RAPGEF2: variants seen among roughly 807,000 people sequenced by gnomAD.
RAPGEF2 encodes the protein PDZ domain containing guanine nucleotide exchange factor (GEF) 1.
In RAPGEF2, 54 loss-of-function variants were observed where a neutral mutation model predicts 186.7. The observed-to-expected ratio is 0.29, with a 90% CI of 0.23 to 0.36. The LOEUF (loss-of-function observed/expected upper bound fraction) is 0.36, where lower values mean the gene tolerates loss of function less well. Among genes scored for constraint, RAPGEF2 ranks in the 10% least tolerant of loss-of-function variants. The pLI is 1.00. For missense variants in RAPGEF2, 1,532 were observed against 2,045.0 expected (o/e 0.75, Z 4.84); for synonymous variants, 712 against 705.9 (o/e 1.01, Z -0.14).
intron 8 of RAPGEF2, among the ~76,000 whole-genome samples, chr4:159,306,089 C>T (rs531748575): frequency 3.2e-4 from 49 of 151,732 alleles, no homozygotes; most frequent in African/African-American, 1.1e-3. Flanking sequence ...TCTTTCTGCT[C>T]AAGATTGCTT....
At chr4:159,174,174 G>A (rs571131830) in intron 1 of RAPGEF2, among the ~76,000 whole-genome samples, 1 of 152,296 alleles carries the variant, frequency 6.6e-6, no homozygotes, top group East Asian at 1.9e-4. Flanking sequence ...ACTTGCTTAC[G>A]GGATCATTTT....
intron 7 of RAPGEF2, among the ~76,000 whole-genome samples, chr4:159,278,019 G>C (rs977855382): frequency 8.6e-5 from 13 of 152,010 alleles, no homozygotes; most frequent in Admixed American, 2.0e-4. Flanking sequence ...AGTCCTTGCC[G>C]ATGCCTATGT....
At position 159,350,118 on chromosome 4, in the gene RAPGEF2, T is replaced by C; in HGVS notation, c.3713-19T>C. The stretch of plus-strand genomic sequence containing the variant: ...AGACTTGAAAATACATATTTAAGGT[T>C]TTTTTTTTTCCATTATAGGCATAAA... On this transcript the variant is annotated intron_variant, in intron 25 of 29. Coordinates refer to ENST00000691494, the MANE Select transcript of RAPGEF2 (RefSeq NM_001394067.2). 7.7e-7 allele frequency: 1 copy of C among 1,302,112 alleles called. No individual in the cohort carries two copies. Among genetic ancestry groups the C allele is most frequent in the Non-Finnish European group, 1.0e-6 (1 of 985,460 alleles). 80.7% of individuals were successfully genotyped at this position (1,302,112 alleles called of 1,614,324 possible).
intron 3 of RAPGEF2, among the ~76,000 whole-genome samples, chr4:159,197,342 G>T (rs1202084299): frequency 6.6e-6 from 1 of 152,168 alleles, no homozygotes; most frequent in Non-Finnish European, 1.5e-5. Context: ...AAGTGAAACG[G>T]AAATACTGTT....
chr4:159,341,654 T>G lies in RAPGEF2; in HGVS notation c.2625T>G (p.Leu875=), dbSNP rs2111263378. Residue 875 remains leucine (L), a synonymous_variant, in exon 20 of 30, where the codon CTT becomes CTG. Transcript: ENST00000691494. ...TGAGAGAGAGTCAAATTTCCCTCCT[T>G]CAGCTCAGCACTGTGGAAGTTGCAA... is the stretch of plus-strand genomic sequence containing the variant. ...ELLRESQISL[L]QLSTVEVATQ... 1 of 1,614,022 alleles carries G rather than the reference T, an allele frequency of 6.2e-7. No homozygotes were observed. The highest frequency in any genetic ancestry group is 2.2e-5 in the East Asian group (1 of 44,876).
At chr4:159,333,951 C>T (rs912501595) in intron 17 of RAPGEF2, among the ~76,000 whole-genome samples, 4 of 152,024 alleles carry the variant, frequency 2.6e-5, no homozygotes, top group African/African-American at 9.7e-5. Flanking sequence ...AATTTTCATC[C>T]ACAGATTAGA....
At chr4:159,267,798 T>C (rs565193183) in intron 7 of RAPGEF2, 64 of 1,012,924 alleles carry the variant, frequency 6.3e-5, no homozygotes, top group East Asian at 9.6e-5. Flanking sequence ...TTTCTTTTTT[T>C]TTTTTTTTTC....
chr4:159,223,464 A>C (rs1201485473), intron 4 of RAPGEF2, among the ~76,000 whole-genome samples: 1 of 152,186 alleles, frequency 6.6e-6, no homozygotes, highest in African/African-American at 2.4e-5. Context: ...TATTAATTAA[A>C]CATTTTCAGA....
chr4:159,347,076 T>G, intron 25 of RAPGEF2, 78 bp downstream of exon 25: 1 of 1,302,810 alleles, frequency 7.7e-7, no homozygotes, highest in Non-Finnish European at 1.1e-6. Context: ...ATATTTGTCT[T>G]GGATAACTTT....
chr4:159,109,695 GATGTGGACTTCCTAGATGAAT>G (rs1405345931), intron 1 of RAPGEF2, among the ~76,000 whole-genome samples: 1 of 152,176 alleles, frequency 6.6e-6, no homozygotes, highest in Non-Finnish European at 1.5e-5. Flanking sequence ...CACTGAAGAG[GATGTGGACTTCCTAGATGAAT>G]ATGTATTGAG....
chr4:159,196,056 G>A (rs1748624371), intron 3 of RAPGEF2, among the ~76,000 whole-genome samples: 1 of 152,050 alleles, frequency 6.6e-6, no homozygotes, highest in African/African-American at 2.4e-5. Context: ...GTAGGTGACA[G>A]TGTTAGTAAG....
chr4:159,232,875 T>G (rs1752798587), intron 4 of RAPGEF2, among the ~76,000 whole-genome samples: 1 of 152,114 alleles, frequency 6.6e-6, no homozygotes, highest in Non-Finnish European at 1.5e-5. Context: ...AGGTGTGAAA[T>G]GGTATCTTAT....
chr4:159,177,531 A>G (rs1039497659), intron 1 of RAPGEF2, among the ~76,000 whole-genome samples: 1 of 152,220 alleles, frequency 6.6e-6, no homozygotes, highest in Non-Finnish European at 1.5e-5. Context: ...GGTGGGGATC[A>G]GGATTTGAAC....
chr4:159,139,594 CT>C (rs1429067535), intron 1 of RAPGEF2, among the ~76,000 whole-genome samples: 1 of 151,790 alleles, frequency 6.6e-6, no homozygotes, highest in African/African-American at 2.4e-5. Context: ...AAATGTAGCA[CT>C]TTAAATTTTT....
intron 1 of RAPGEF2, among the ~76,000 whole-genome samples, chr4:159,111,119 T>C (rs193245206): frequency 1.6e-4 from 24 of 152,326 alleles, no homozygotes; most frequent in Admixed American, 3.9e-4. Context: ...GTTTCCTTTT[T>C]CCCTCCAGTC....
At position 159,338,426 on chromosome 4, in the gene RAPGEF2, T is replaced by C. The variant is rs1280897006; in HGVS notation, c.2251T>C (p.Leu751=). The C allele has an allele frequency of 6.2e-7, 1 of 1,614,042 alleles. No individual in the cohort carries two copies. Among genetic ancestry groups the C allele is most frequent in the Non-Finnish European group, 8.5e-7 (1 of 1,179,974 alleles). Residue 751 remains leucine, a synonymous_variant, in exon 18 of 30, where the codon TTG becomes CTG. Transcript: ENST00000691494. ...GTLSSSNPDL[L]QSHHRILDFS... Reference sequence around the variant, plus strand: ...CTTATCATCCAGTAATCCTGATTTATTGCAGTCACATCATCGCATTTTAGA... The same window carrying C: ...CTTATCATCCAGTAATCCTGATTTACTGCAGTCACATCATCGCATTTTAGA...
Position 159,358,151 on chromosome 4 carries a change from T to C in RAPGEF2, c.*12T>C, listed in dbSNP as rs779809600. On this transcript the variant is annotated 3_prime_UTR_variant, in exon 30 of 30. Transcript: ENST00000691494. ...TTTCTGCTGTTTGAGGCACAGACTTTTCTGGAAGCAGAGCGAGCCACCTGA... is the reference window on the plus strand; with the variant it reads ...TTTCTGCTGTTTGAGGCACAGACTTCTCTGGAAGCAGAGCGAGCCACCTGA... 1.1e-5 allele frequency: 17 copies of C among 1,610,956 alleles called. No homozygotes were observed. The Admixed American group carries it at 1.7e-4, about 16-fold the overall frequency.
At chr4:159,221,797 G>A (rs960992316) in intron 4 of RAPGEF2, among the ~76,000 whole-genome samples, 13 of 152,124 alleles carry the variant, frequency 8.5e-5, no homozygotes, top group Admixed American at 5.2e-4. Flanking sequence ...ACATATATAA[G>A]GCAAAGGCTT....
At position 159,217,787 on chromosome 4, in the gene RAPGEF2, G is replaced by A. The variant is rs552726094; in HGVS notation, c.281+7204G>A. 2.1e-4 allele frequency among the ~76,000 whole-genome samples: 32 copies of A among 152,250 alleles called. 1 individual carries two copies. Among genetic ancestry groups the A allele is most frequent in the South Asian group, 1.7e-3 (8 of 4,824 alleles). ...ACATTCCCACCAATAGTGTATAAGC[G>A]TTTGCTTTTCTCCACAGCCTGTCCA... On this transcript the variant is annotated intron_variant, in intron 4 of 29. Coordinates refer to ENST00000691494, the MANE Select transcript of RAPGEF2 (RefSeq NM_001394067.2).
Sources: allele counts gnomAD v4.1 joint callset (sites outside exome capture counted in the v4.1 genomes callset), GRCh38; gene constraint gnomAD v4.1.1; transcripts MANE v1.5; gene names NCBI Gene and HGNC (gene_info 2026-07-23, HGNC 2026-07-21).